ANO1: variants seen among roughly 807,000 people sequenced by gnomAD.
ANO1 encodes the protein anoctamin 1, also known as anoctamin-1.
A neutral mutation model predicts 124.0 loss-of-function variants in ANO1; 59 were observed. The observed-to-expected ratio is 0.48, with a 90% confidence interval of 0.39 to 0.59. The LOEUF is 0.59. Ranked by LOEUF, ANO1 falls within the 20% of genes least tolerant of loss-of-function variation. The pLI is 0.00. For missense variants in ANO1, 1,059 were observed against 1,328.0 expected, an observed-to-expected ratio of 0.80 and a Z score of 3.15; for synonymous variants, 529 against 532.0, an observed-to-expected ratio of 0.99 and a Z score of 0.08.
intron 1 of ANO1, among the ~76,000 whole-genome samples, chr11:70,010,582 G>T (rs1353644755): frequency 6.6e-6 from 1 of 152,110 alleles, no homozygotes; most frequent in Non-Finnish European, 1.5e-5. Context: ...CAGATGAGGG[G>T]CTCAGTGGTA....
intron 1 of ANO1, among the ~76,000 whole-genome samples, chr11:70,069,540 G>A (rs1857816944): frequency 1.3e-5 from 2 of 151,382 alleles, no homozygotes; most frequent in East Asian, 1.9e-4. Context: ...AAAGGGGGAG[G>A]AGGACACTTG....
chr11:69,971,623 C>T, the ANO1 span, among the ~76,000 whole-genome samples: 1 of 152,078 alleles, frequency 6.6e-6, no homozygotes, highest in African/African-American at 2.4e-5. Context: ...TCAGACTTTT[C>T]CTCACTGGCT....
intron 14 of ANO1, among the ~76,000 whole-genome samples, chr11:70,154,430 G>A (rs1035933104): frequency 4.6e-5 from 7 of 151,174 alleles, no homozygotes; most frequent in South Asian, 2.1e-4. Flanking sequence ...GGTACAGCTC[G>A]GTCCTCCTAT....
chr11:70,111,689 T>G lies in ANO1; in HGVS notation c.800-18T>G, dbSNP rs752405579. 6.2e-7 allele frequency: 1 copy of G among 1,613,906 alleles called. No homozygotes were observed. On this transcript the variant is annotated intron_variant, in intron 6 of 25. Transcript: ENST00000355303. ...GACCCGCCTGCCCCATAACCTTCTC[T>G]CTGCCTCTGTTTTTAAGGCATCACG...
rs372361957 is a variant in ANO1, at chr11:70,167,740, G to A, written c.2197+353G>A. Among the ~76,000 whole-genome samples, 12 of 152,190 alleles carry A rather than the reference G, an allele frequency of 7.9e-5. No individual in the cohort carries two copies. The East Asian group carries it at 1.7e-3, about 22-fold the overall frequency. On this transcript the variant is annotated intron_variant, in intron 21 of 25. Coordinates refer to ENST00000355303, the MANE Select transcript of ANO1 (RefSeq NM_018043.7). ...GTCCCCAGGCACGGTCTCCATCAGC[G>A]CAGCCCGACACAGCCTGGGTTGTGC...
intron 1 of ANO1, among the ~76,000 whole-genome samples, chr11:70,010,179 G>GTATGTGTGTGTATATATATATATA (rs1188271051): frequency 0.015 from 1,247 of 83,668 alleles, 161 homozygotes; most frequent in East Asian, 0.069. Context: ...GTGTGTGTGT[G>GTATGTGTGTGTATATATATATATA]TATATATATA....
chr11:70,024,179 G>A (rs1555002926), intron 1 of ANO1, among the ~76,000 whole-genome samples: 1 of 152,188 alleles, frequency 6.6e-6, no homozygotes. Context: ...TTGCCCCTGG[G>A]CACTCCAGCA....
chr11:70,163,495 G>A (rs1236993713), intron 19 of ANO1, 155 bp downstream of exon 19: 1 of 846,372 alleles, frequency 1.2e-6, no homozygotes, highest in Admixed American at 2.0e-5. Flanking sequence ...TTCCCCTGAT[G>A]TGGTGGGGTG....
At chr11:70,108,179 C>T (rs1051251416) in intron 5 of ANO1, 174 bp from the exon 6 acceptor site, 9 of 552,820 alleles carry the variant, frequency 1.6e-5, no homozygotes, top group East Asian at 1.1e-4. Context: ...GTTGAGAATC[C>T]GGAGCTGGGT....
intron 4 of ANO1, among the ~76,000 whole-genome samples, 196 bp from the exon 5 acceptor site, chr11:70,105,538 G>A (rs143639878): frequency 0.017 from 2,529 of 152,270 alleles, 22 homozygotes; most frequent in Non-Finnish European, 0.023. Flanking sequence ...CTCAGGCCTC[G>A]CCCAGGTGCG....
intron 1 of ANO1, among the ~76,000 whole-genome samples, chr11:70,008,696 C>A (rs992837229): frequency 6.6e-6 from 1 of 151,364 alleles, no homozygotes; most frequent in Non-Finnish European, 1.5e-5. Flanking sequence ...CAACATGCAC[C>A]TCAAACTGCT....
At position 70,180,721 on chromosome 11, in the gene ANO1, G is replaced by C. The variant is rs963530851; in HGVS notation, c.2403+665G>C. 2.9e-4 allele frequency among the ~76,000 whole-genome samples: 44 copies of C among 152,206 alleles called. 1 individual carries two copies. The highest frequency in any genetic ancestry group is 2.6e-3 in the Admixed American group (40 of 15,276). ...AGAGATAGGAGGGAAGACAGAGACA[G>C]AGGGAGAGAAACACAGAGATTCCTT... On this transcript the variant is annotated intron_variant, in intron 23 of 25. Transcript: ENST00000355303.
At chr11:70,024,277 T>C (rs1856853964) in intron 1 of ANO1, among the ~76,000 whole-genome samples, 1 of 152,178 alleles carries the variant, frequency 6.6e-6, no homozygotes. Context: ...TGCTTAGCTG[T>C]GTGTACCCAC....
chr11:69,970,090 C>A, the ANO1 span, among the ~76,000 whole-genome samples: 1 of 152,122 alleles, frequency 6.6e-6, no homozygotes, highest in Admixed American at 6.5e-5. Flanking sequence ...GTGAGGGTGA[C>A]GTGTTCTCAG....
upstream of ANO1, among the ~76,000 whole-genome samples, chr11:70,073,473 C>T (rs1033322380): frequency 3.3e-5 from 5 of 152,086 alleles, no homozygotes; most frequent in Non-Finnish European, 5.9e-5. Flanking sequence ...GTAAGCGCTG[C>T]GCAGCTGCTT....
At chr11:70,143,375 C>T (rs548306798) in intron 11 of ANO1, among the ~76,000 whole-genome samples, 18 of 152,178 alleles carry the variant, frequency 1.2e-4, no homozygotes, top group African/African-American at 3.9e-4. Flanking sequence ...GGAGGTGCCG[C>T]GAAATTAGGG....
At chr11:70,107,949 C>T (rs2045624141) in intron 5 of ANO1, among the ~76,000 whole-genome samples, 1 of 152,220 alleles carries the variant, frequency 6.6e-6, no homozygotes, top group Non-Finnish European at 1.5e-5. Context: ...GGCTGTGTCC[C>T]AGAGTGGTGC....
At position 70,087,890 on chromosome 11, in the gene ANO1, G is replaced by A. The variant is rs1424786527; in HGVS notation, c.247G>A (p.Val83Met). 5.6e-6 allele frequency: 9 copies of A among 1,611,762 alleles called. No homozygotes were observed. Among genetic ancestry groups the A allele is most frequent in the Non-Finnish European group, 7.6e-6 (9 of 1,179,322 alleles). Residue 83 changes from valine (V) to methionine (M), a missense_variant, in exon 2 of 26, where the codon GTG becomes ATG. Transcript: ENST00000355303. Reference sequence around the variant, plus strand: ...GGGCAACCGGACCCTGGTCAGGAGGGTGCAGCACAGCGACACCCCCTCTGG... The same window carrying A: ...GGGCAACCGGACCCTGGTCAGGAGGATGCAGCACAGCGACACCCCCTCTGG... ...PSGNRTLVRR[V>M]QHSDTPSGAR...
chr11:70,000,828 A>G (rs1162600608), intron 1 of ANO1, among the ~76,000 whole-genome samples: 1 of 152,104 alleles, frequency 6.6e-6, no homozygotes, highest in East Asian at 1.9e-4. Flanking sequence ...CTCTACAGCA[A>G]CAGGAGGAAC....
Sources: allele counts gnomAD v4.1 joint callset (sites outside exome capture counted in the v4.1 genomes callset), GRCh38; gene constraint gnomAD v4.1.1; transcripts MANE v1.5; gene names NCBI Gene and HGNC (gene_info 2026-07-23, HGNC 2026-07-21).